Variants in OR3A2 observed in about 807,000 individuals in gnomAD.
OR3A2 encodes the protein olfactory receptor family 3 subfamily A member 2.
For synonymous variants in OR3A2, 126 were observed against 159.3 expected, an observed-to-expected ratio of 0.79 and a Z score of 1.57; for missense variants, 318 against 392.8, an observed-to-expected ratio of 0.81 and a Z score of 1.61.
At chr17:3,345,418 GAA>G (rs1420410001) in intron 2 of OR3A2, among the ~76,000 whole-genome samples, 1 of 93,104 alleles carries the variant, frequency 1.1e-5, no homozygotes. Flanking sequence ...AGAAAAAAAG[GAA>G]AGAGAGAGAG....
chr17:3,382,050 G>A (rs1197942976), intron 2 of OR3A2, among the ~76,000 whole-genome samples: 2 of 152,180 alleles, frequency 1.3e-5, no homozygotes, highest in Non-Finnish European at 2.9e-5. Context: ...TGAGGTGTTC[G>A]TGTGGGCTGG....
chr17:3,385,801 G>T, intron 1 of OR3A2: 1 of 397,344 alleles, frequency 2.5e-6, no homozygotes, highest in Non-Finnish European at 4.4e-6. Context: ...GCAGAAATTT[G>T]TATATTTATA....
chr17:3,343,195 C>A (rs2049334799), intron 2 of OR3A2, among the ~76,000 whole-genome samples: 1 of 152,216 alleles, frequency 6.6e-6, no homozygotes, highest in Non-Finnish European at 1.5e-5. Flanking sequence ...GGGAAATCCC[C>A]TGACCCCTTG....
upstream of OR3A2, among the ~76,000 whole-genome samples, chr17:3,289,097 TTG>T (rs1567542857): frequency 5.3e-5 from 8 of 149,828 alleles, no homozygotes. Context: ...GTGGGTGTGT[TTG>T]TGTGTGTGAG....
At chr17:3,279,556 G>A (rs758326540) in intron 1 of OR3A2, among the ~76,000 whole-genome samples, 7 of 152,184 alleles carry the variant, frequency 4.6e-5, no homozygotes, top group Non-Finnish European at 7.3e-5. Context: ...CAGTTTGGGA[G>A]GCCAAGGCGG....
rs1405088936 is a variant in OR3A2 at position 3,372,068 on chromosome 17, G to A, written c.-179+11736C>T. 7.0e-4 allele frequency among the ~76,000 whole-genome samples: 98 copies of A among 140,718 alleles called. 1 individual carries two copies. The highest frequency in any genetic ancestry group is 2.3e-3 in the African/African-American group (82 of 35,992). The allele number at this position is 140,718 out of a possible 152,430, so 92.3% of individuals were successfully genotyped here. On this transcript the variant is annotated intron_variant, in intron 2 of 4. Coordinates refer to the OR3A2 transcript ENST00000573491. The stretch of plus-strand genomic sequence containing the variant: ...CGGAGGGGCTCCTCACTTCTCAGAC[G>A]GGGCAGTTGCCAGGCGGAGGGTCTC...
chr17:3,313,883 T>C (rs2049061594), intron 3 of OR3A2, among the ~76,000 whole-genome samples: 1 of 152,230 alleles, frequency 6.6e-6, no homozygotes. Flanking sequence ...GTGGGTTATT[T>C]GATAGCAGAA....
chr17:3,285,160 G>C (rs1006305720), upstream of OR3A2, among the ~76,000 whole-genome samples: 1 of 152,128 alleles, frequency 6.6e-6, no homozygotes, highest in African/African-American at 2.4e-5. Flanking sequence ...GAGGCCTGGT[G>C]AAGGTGGCAG....
intron 1 of OR3A2, among the ~76,000 whole-genome samples, chr17:3,282,496 A>G (rs995642696): frequency 6.9e-6 from 1 of 145,582 alleles, no homozygotes; most frequent in Non-Finnish European, 1.5e-5. Flanking sequence ...CAGCAAGGGG[A>G]TGTCTCCAAT....
At position 3,311,906 on chromosome 17, in the gene OR3A2, T is replaced by C. The variant is rs2150631415; in HGVS notation, c.-85+24127A>G. 6.5e-6 allele frequency: 1 copy of C among 154,690 alleles called. No individual in the cohort carries two copies. Among genetic ancestry groups the C allele is most frequent in the South Asian group, 2.0e-4 (1 of 4,992 alleles). 9.6% of individuals were successfully genotyped at this position (154,690 alleles called of 1,614,324 possible). Reference sequence around the variant, plus strand: ...GATGTGCAGGGCACCCTGAAAAGGGTGCTGACAGGGAAGAGGCCCCCAGCT... The same window carrying C: ...GATGTGCAGGGCACCCTGAAAAGGGCGCTGACAGGGAAGAGGCCCCCAGCT... On this transcript the variant is annotated intron_variant, in intron 3 of 4. Transcript: ENST00000573491. This position sits in a 1 kb window ranked among gnomAD's most constrained non-coding sequence, Gnocchi z 4.6.
chr17:3,362,145 G>T (rs948912863), intron 2 of OR3A2, among the ~76,000 whole-genome samples: 1 of 151,648 alleles, frequency 6.6e-6, no homozygotes, highest in East Asian at 1.9e-4. Context: ...TTAGTCTTGG[G>T]AGGGTGTATG....
At chr17:3,347,137 C>T (rs577051762) in intron 2 of OR3A2, among the ~76,000 whole-genome samples, 3 of 152,278 alleles carry the variant, frequency 2.0e-5, no homozygotes, top group Middle Eastern at 3.4e-3. Context: ...AGTGGCTGTA[C>T]TAATTTACAT....
chr17:3,333,755 G>A (rs2049257588), intron 3 of OR3A2, among the ~76,000 whole-genome samples: 1 of 152,022 alleles, frequency 6.6e-6, no homozygotes, highest in African/African-American at 2.4e-5. Context: ...TTGACAAAAG[G>A]GAGGCAATTA....
intron 3 of OR3A2, chr17:3,292,141 C>T (rs558723013): frequency 6.2e-7 from 1 of 1,614,140 alleles, no homozygotes; most frequent in Non-Finnish European, 8.5e-7. Flanking sequence ...GACGCAGCCA[C>T]CAACATCCTC....
At chr17:3,331,188 G>A (rs1409073015) in intron 3 of OR3A2, among the ~76,000 whole-genome samples, 1 of 152,016 alleles carries the variant, frequency 6.6e-6, no homozygotes, top group Non-Finnish European at 1.5e-5. Context: ...TGACAATTAT[G>A]TGTCTTGGAG....
chr17:3,334,858 G>C (rs2049266123), intron 3 of OR3A2, among the ~76,000 whole-genome samples: 1 of 152,154 alleles, frequency 6.6e-6, no homozygotes, highest in African/African-American at 2.4e-5. Context: ...TATGTAGTAA[G>C]TTTTTTAACT....
intron 3 of OR3A2, chr17:3,291,371 A>G (rs1461671421): frequency 2.8e-6 from 1 of 358,080 alleles, no homozygotes; most frequent in Non-Finnish European, 5.0e-6. Flanking sequence ...ACAGCTTCCT[A>G]GGTTTCACCT....
intron 3 of OR3A2, among the ~76,000 whole-genome samples, chr17:3,334,741 G>T (rs1483386466): frequency 6.6e-6 from 1 of 152,130 alleles, no homozygotes; most frequent in African/African-American, 2.4e-5. Flanking sequence ...TTTCCATATA[G>T]AGGCATACAA....
chr17:3,371,317 C>T (rs1181011037), intron 2 of OR3A2, among the ~76,000 whole-genome samples: 5 of 147,910 alleles, frequency 3.4e-5, no homozygotes, highest in East Asian at 2.1e-4. Context: ...CCAGTAGGGG[C>T]GGCCGGGCAG....
Sources: gnomAD v4.1 joint callset for allele counts (sites outside exome capture counted in the v4.1 genomes callset) on GRCh38, gnomAD v4.1.1 for gene constraint, Gnocchi (gnomAD v3.1) non-coding constraint, MANE v1.5 for transcripts, NCBI Gene and HGNC (gene_info 2026-07-23, HGNC 2026-07-21) for gene names.